GPN3: variants seen among roughly 807,000 people sequenced by gnomAD.
GPN3 encodes the protein ATP-binding domain 1 family member C.
In GPN3, 31 loss-of-function variants were observed where a neutral mutation model predicts 38.7. The ratio of observed to expected loss-of-function variants is 0.80; its 90% CI spans 0.60 to 1.08. GPN3 has a LOEUF of 1.08. Ranked by LOEUF, GPN3 falls within the 50% of genes least tolerant of loss-of-function variation. GPN3 has a pLI of 0.00. For missense variants in GPN3, 301 were observed against 354.4 expected (o/e 0.85, Z 1.21); for synonymous variants, 116 against 120.2 (o/e 0.96, Z 0.23).
At chr12:110,461,002 G>C (rs2062583923) in intron 2 of GPN3, 2 of 1,547,982 alleles carry the variant, frequency 1.3e-6, no homozygotes, top group Non-Finnish European at 1.8e-6. Context: ...CTCCTGCAAA[G>C]AAGGGTGGCG....
At chr12:110,461,123 C>T in intron 2 of GPN3, 1 of 1,328,868 alleles carries the variant, frequency 7.5e-7, no homozygotes, top group Non-Finnish European at 1.1e-6. Context: ...CCCTCAGGCA[C>T]TCAAAGAGAT....
chr12:110,459,120 T>G (rs2135519504), intron 3 of GPN3, among the ~76,000 whole-genome samples: 1 of 152,366 alleles, frequency 6.6e-6, no homozygotes, highest in African/African-American at 2.4e-5. Flanking sequence ...GGATGCTTTT[T>G]GTTTGTACTG....
At chr12:110,456,442 C>A (rs2062550488) in intron 4 of GPN3, among the ~76,000 whole-genome samples, 1 of 151,076 alleles carries the variant, frequency 6.6e-6, no homozygotes, top group Admixed American at 6.6e-5. Context: ...GTTCCCAAAT[C>A]ATTGGGAATC....
Position 110,455,616 on chromosome 12 carries a change from G to A in GPN3, c.633C>T (p.Phe211=). Residue 211 remains phenylalanine (F), a synonymous_variant, in exon 6 of 8, where the codon TTC becomes TTT. Coordinates refer to ENST00000228827, the MANE Select transcript of GPN3 (RefSeq NM_016301.4). ...DSTSDLRSKK[F]KKLTKAICGL... Reference sequence around the variant, plus strand: ...CACATATAGCTTTAGTCAGTTTCTTGAATTTTTTGCTTCTTAAGTCACTTG... The same window carrying A: ...CACATATAGCTTTAGTCAGTTTCTTAAATTTTTTGCTTCTTAAGTCACTTG... The A allele has an allele frequency of 1.4e-6, 2 of 1,470,114 alleles. No homozygotes were observed. Among genetic ancestry groups the A allele is most frequent in the South Asian group, 2.3e-5 (2 of 87,130 alleles). The allele number at this position is 1,470,114 out of a possible 1,614,324, so 91.1% of individuals were successfully genotyped here. A position where few individuals can be genotyped will look rare whatever the true frequency, so the allele number is the denominator to read the frequency against.
chr12:110,452,900 T>A lies in GPN3; in HGVS notation c.*134A>T. The A allele has an allele frequency of 1.5e-6, 1 of 670,012 alleles. No individual in the cohort carries two copies. 41.5% of individuals were successfully genotyped at this position (670,012 alleles called of 1,614,324 possible). On this transcript the variant is annotated 3_prime_UTR_variant, in exon 8 of 8. Coordinates refer to ENST00000228827, the MANE Select transcript of GPN3 (RefSeq NM_016301.4). Reference sequence around the variant, plus strand: ...AATAATTAAAAATTTGATTCAGGCATGAGGCTGATAAAGAACGAAGTTTTA... The same window carrying A: ...AATAATTAAAAATTTGATTCAGGCAAGAGGCTGATAAAGAACGAAGTTTTA...
At chr12:110,459,656 G>A in intron 3 of GPN3, 39 bp downstream of exon 3, 1 of 1,401,560 alleles carries the variant, frequency 7.1e-7, no homozygotes, top group Non-Finnish European at 1.0e-6. Flanking sequence ...GAACTATCAA[G>A]ACTTTAAGGA....
chr12:110,453,567 T>A (rs1368321658), intron 7 of GPN3, among the ~76,000 whole-genome samples, 176 bp downstream of exon 7: 1 of 152,138 alleles, frequency 6.6e-6, no homozygotes, highest in African/African-American at 2.4e-5. Flanking sequence ...AGAGTAAAAG[T>A]GATACTGCTT....
chr12:110,468,097 C>T (rs2062649360), intron 1 of GPN3, 59 bp downstream of exon 1: 2 of 1,613,656 alleles, frequency 1.2e-6, no homozygotes, highest in Non-Finnish European at 1.7e-6. Context: ...CCCTCAGGAC[C>T]CAATCTCCCG....
intron 1 of GPN3, among the ~76,000 whole-genome samples, chr12:110,465,776 G>A (rs779798689): frequency 1.3e-5 from 2 of 152,006 alleles, no homozygotes; most frequent in Non-Finnish European, 2.9e-5. Flanking sequence ...AGTTGTTACC[G>A]TACTATGTTA....
chr12:110,461,621 G>T (rs1422888771), intron 2 of GPN3, among the ~76,000 whole-genome samples: 2 of 151,806 alleles, frequency 1.3e-5, no homozygotes, highest in Admixed American at 1.3e-4. Flanking sequence ...TCACCAACAG[G>T]AGAGGCTTAA....
At chr12:110,462,086 ATCTGC>A (rs985726271) in intron 2 of GPN3, among the ~76,000 whole-genome samples, 1 of 152,134 alleles carries the variant, frequency 6.6e-6, no homozygotes, top group African/African-American at 2.4e-5. Flanking sequence ...CAGGCCATCC[ATCTGC>A]TTTGGCCTCC....
chr12:110,453,406 TAAAAAATA>T (rs2062527619), intron 7 of GPN3, among the ~76,000 whole-genome samples: 2 of 151,808 alleles, frequency 1.3e-5, no homozygotes, highest in South Asian at 2.1e-4. Context: ...GTCAGGAAAA[TAAAAAATA>T]AAAAAATAAA....
intron 3 of GPN3, 68 bp downstream of exon 3, chr12:110,459,627 C>T: frequency 9.5e-7 from 1 of 1,057,412 alleles, no homozygotes; most frequent in South Asian, 1.4e-5. Flanking sequence ...ACTCACTCTC[C>T]TTTCTCCTAC....
intron 1 of GPN3, among the ~76,000 whole-genome samples, chr12:110,466,290 C>A (rs2062627100): frequency 6.6e-6 from 1 of 152,076 alleles, no homozygotes; most frequent in Non-Finnish European, 1.5e-5. Flanking sequence ...CCCCATACAA[C>A]CCCCAGGGCC....
In GPN3 at chr12:110,457,485, ATCTGTAAGAG is replaced by A; in HGVS notation, c.450+15_450+24del. The stretch of plus-strand genomic sequence containing the variant: ...AAAAAAAAAAAAAAAAAAAAAAAAA[ATCTGTAAGAG>A]ATTTAGCTTCAGACCTTGAATGACT... On this transcript the variant is annotated intron_variant, in intron 4 of 7. Coordinates refer to ENST00000228827, the MANE Select transcript of GPN3 (RefSeq NM_016301.4). 3 of 1,234,212 alleles carry A rather than the reference ATCTGTAAGAG, an allele frequency of 2.4e-6. No homozygotes were observed. The highest frequency in any genetic ancestry group is 2.2e-6 in the Non-Finnish European group (2 of 912,910). The allele number at this position is 1,234,212 out of a possible 1,614,324, so 76.5% of individuals were successfully genotyped here. A position where few individuals can be genotyped will look rare whatever the true frequency, so the allele number is the denominator to read the frequency against.
intron 6 of GPN3, 121 bp downstream of exon 6, chr12:110,455,465 T>C (rs2062543036): frequency 4.6e-6 from 3 of 648,736 alleles, no homozygotes; most frequent in African/African-American, 1.8e-5. Flanking sequence ...GGTGTCACTA[T>C]GTTGCCCAGG....
chr12:110,459,921 C>G (rs1180247586), intron 2 of GPN3, 59 bp from the exon 3 acceptor site: 1 of 1,358,466 alleles, frequency 7.4e-7, no homozygotes, highest in African/African-American at 1.5e-5. Context: ...GTTATCCTTA[C>G]TAGAAATAGA....
At position 110,459,697 on chromosome 12, in the gene GPN3, G is replaced by T; in HGVS notation, c.323C>A (p.Pro108Gln). 6.2e-7 allele frequency: 1 copy of T among 1,605,324 alleles called. No individual in the cohort carries two copies. Among genetic ancestry groups the T allele is most frequent in the Non-Finnish European group, 8.5e-7 (1 of 1,172,098 alleles). ...ATGCATTCAAATTGTTGATTCACCT[G>T]GACAATCAAAAAGGATATAGTCGTC... ...VEDDYILFDCPGQIELYTHLP... is the reference protein window; with the variant it reads ...VEDDYILFDCQGQIELYTHLP... Residue 108 changes from proline to glutamine, a missense_variant and splice_region_variant, in exon 3 of 8, where the codon CCA (proline) becomes CAA (glutamine). Coordinates refer to ENST00000228827, the MANE Select transcript of GPN3 (RefSeq NM_016301.4).
intron 4 of GPN3, among the ~76,000 whole-genome samples, chr12:110,456,314 G>A (rs1289845886): frequency 3.5e-5 from 5 of 140,888 alleles, no homozygotes; most frequent in Non-Finnish European, 6.0e-5. Context: ...GGGCAACAAC[G>A]GCAAAACTTG....
Sources: allele counts gnomAD v4.1 joint callset (sites outside exome capture counted in the v4.1 genomes callset), GRCh38; gene constraint gnomAD v4.1.1; transcripts MANE v1.5; gene names NCBI Gene and HGNC (gene_info 2026-07-23, HGNC 2026-07-21).